The following DDX47 variants were observed in gnomAD, a reference collection of about 807,000 sequenced individuals.
DDX47 encodes the protein probable ATP-dependent RNA helicase DDX47.
Under a neutral mutation model 58.8 loss-of-function variants are expected in DDX47, and 60 were observed. The observed-to-expected ratio is 1.02, with a 90% CI of 0.83 to 1.26. The LOEUF is 1.26. DDX47 is among the 50% of genes most tolerant of loss of function. The pLI, the probability that DDX47 is intolerant of heterozygous loss-of-function variation, is 0.00. For synonymous variants in DDX47, 197 were observed against 204.6 expected (o/e 0.96, Z 0.32); for missense variants, 530 against 573.2 (o/e 0.92, Z 0.77).
rs1401963418 is a variant in DDX47, at chr12:12,823,948, C to A, written c.829C>A (p.Gln277Lys). Residue 277 changes from glutamine to lysine, a missense_variant, in exon 8 of 12, where the codon CAG (glutamine) becomes AAG (lysine). By Grantham distance (53) the Gln-to-Lys change is moderately conservative (BLOSUM62 1). Transcript: ENST00000358007. ...MIFCSTCNNT[Q>K]RTALLLRNLG... ...ATTCTGCAGCACCTGTAATAATACC[C>A]AGAGAACAGCTTTGCTACTGCGAAA... 1 of 1,614,142 alleles carries A rather than the reference C, an allele frequency of 6.2e-7. No homozygotes were observed. Among genetic ancestry groups the A allele is most frequent in the Non-Finnish European group, 8.5e-7 (1 of 1,180,014 alleles).
At chr12:12,814,621 T>C (rs549005916) in intron 2 of DDX47, 1 of 165,240 alleles carries the variant, frequency 6.1e-6, no homozygotes, top group Admixed American at 6.1e-5. Context: ...TTAAAGCAGA[T>C]TGATGGCTAC....
intron 2 of DDX47, among the ~76,000 whole-genome samples, chr12:12,817,068 T>C (rs1862907626): frequency 6.6e-6 from 1 of 152,242 alleles, no homozygotes; most frequent in Non-Finnish European, 1.5e-5. Flanking sequence ...GAATAGTTTA[T>C]AAATGCTTCA....
In DDX47 at chr12:12,815,956, A is replaced by G. The variant is rs546000565; in HGVS notation, c.181+1732A>G. Among the ~76,000 whole-genome samples, 123 of 152,294 alleles carry G rather than the reference A, an allele frequency of 8.1e-4. 4 individuals carry two copies. The South Asian group carries it at 0.024, about 30-fold the overall frequency. ...GTAGGTCTTTGTAATGATTTTTGCA[A>G]TCAATAATGGGTAGGGTGGTGGTAG... On this transcript the variant is annotated intron_variant, in intron 2 of 11. Coordinates refer to ENST00000358007, the MANE Select transcript of DDX47 (RefSeq NM_016355.4).
intron 11 of DDX47, 140 bp from the exon 12 acceptor site, chr12:12,829,283 G>T: frequency 2.5e-6 from 2 of 788,872 alleles, no homozygotes; most frequent in East Asian, 2.9e-5. Context: ...TTGTATATTT[G>T]GAGTTGGGTC....
At chr12:12,821,524 G>A in intron 3 of DDX47, 128 bp downstream of exon 3, 1 of 1,424,114 alleles carries the variant, frequency 7.0e-7, no homozygotes, top group South Asian at 1.2e-5. Flanking sequence ...TTGTATTTGA[G>A]CTTTGGGAAG....
At chr12:12,821,554 G>A (rs985835385) in intron 3 of DDX47, 101 bp from the exon 4 acceptor site, 3 of 1,433,584 alleles carry the variant, frequency 2.1e-6, no homozygotes, top group Non-Finnish European at 2.9e-6. Flanking sequence ...TGTAAGGGAA[G>A]AACAAATCTA....
At position 12,827,290 on chromosome 12, in the gene DDX47, A is replaced by G; in HGVS notation, c.1151A>G (p.Lys384Arg). 1 of 1,614,196 alleles carries G rather than the reference A, an allele frequency of 6.2e-7. No homozygotes were observed. Among genetic ancestry groups the G allele is most frequent in the East Asian group, 2.2e-5 (1 of 44,882 alleles). ...CAGCGCATAGAACACTTAATTGGGAAGAAACTACCAGGTTTTCCAACACAG... is the reference window on the plus strand; with the variant it reads ...CAGCGCATAGAACACTTAATTGGGAGGAAACTACCAGGTTTTCCAACACAG... ...LFQRIEHLIG[K>R]KLPGFPTQDD... The change falls in exon 11 of 12, where the codon AAG (lysine) becomes AGG (arginine). Residue 384 changes from lysine to arginine, a missense_variant. Coordinates refer to ENST00000358007, the MANE Select transcript of DDX47 (RefSeq NM_016355.4).
At chr12:12,817,309 C>G (rs1161438333) in intron 2 of DDX47, among the ~76,000 whole-genome samples, 1 of 152,150 alleles carries the variant, frequency 6.6e-6, no homozygotes, top group African/African-American at 2.4e-5. Flanking sequence ...AGTCCTTTGG[C>G]TAAGGTCACC....
At position 12,823,861 on chromosome 12, in the gene DDX47, G is replaced by A. The variant is rs374444256; in HGVS notation, c.751-9G>A. 3.7e-6 allele frequency: 6 copies of A among 1,612,566 alleles called. No homozygotes were observed. Among genetic ancestry groups the A allele is most frequent in the Non-Finnish European group, 4.2e-6 (5 of 1,179,346 alleles). On this transcript the variant is annotated splice_polypyrimidine_tract_variant and intron_variant, in intron 7 of 11. Coordinates refer to ENST00000358007, the MANE Select transcript of DDX47 (RefSeq NM_016355.4). ...CAATGACATATATTGTTTTGGGTTT[G>A]TAACTTAGGATACCTACCTGGTTTA...
chr12:12,819,911 G>A (rs1242743310), intron 2 of DDX47, among the ~76,000 whole-genome samples: 1 of 152,152 alleles, frequency 6.6e-6, no homozygotes, highest in Non-Finnish European at 1.5e-5. Context: ...TCCCAGTTAA[G>A]CCTTTGTTTT....
rs1863102668 is a variant in DDX47 at position 12,829,616 on chromosome 12, C to T, written c.*62C>T. On this transcript the variant is annotated 3_prime_UTR_variant, in exon 12 of 12. Coordinates refer to ENST00000358007, the MANE Select transcript of DDX47 (RefSeq NM_016355.4). ...AAAGAGAATTGGAGAATGAAACCTG[C>T]TCCAACAGAGATCATGAGACTGAAA... The T allele has an allele frequency of 1.3e-6, 2 of 1,572,786 alleles. No homozygotes were observed. The highest frequency in any genetic ancestry group is 8.6e-7 in the Non-Finnish European group (1 of 1,158,262).
intron 6 of DDX47, 79 bp downstream of exon 6, chr12:12,822,811 T>C: frequency 7.9e-7 from 1 of 1,265,010 alleles, no homozygotes; most frequent in South Asian, 1.2e-5. Flanking sequence ...TAAGGAAAAA[T>C]AAATTGCTTT....
chr12:12,827,668 C>G (rs988180480), intron 11 of DDX47, among the ~76,000 whole-genome samples: 4 of 152,102 alleles, frequency 2.6e-5, no homozygotes, highest in Admixed American at 6.5e-5. Flanking sequence ...CAGCTGTGAA[C>G]TGTGTGAGCT....
In DDX47 at chr12:12,823,339, C is replaced by T. The variant is rs888402438; in HGVS notation, c.750+20C>T. On this transcript the variant is annotated intron_variant, in intron 7 of 11. Coordinates refer to ENST00000358007, the MANE Select transcript of DDX47 (RefSeq NM_016355.4). ...TTCAAGGTAAAATGTTTACTTTGAT[C>T]ATTCCTGCCTCTCCCTCTTCTTTTC... 4 of 1,338,656 alleles carry T rather than the reference C, an allele frequency of 3.0e-6. No homozygotes were observed. Among genetic ancestry groups the T allele is most frequent in the Non-Finnish European group, 4.3e-6 (4 of 929,840 alleles). 82.9% of individuals were successfully genotyped at this position (1,338,656 alleles called of 1,614,324 possible). A position where few individuals can be genotyped will look rare whatever the true frequency, so the allele number is the denominator to read the frequency against.
chr12:12,813,692 G>A (rs982811887), intron 1 of DDX47, among the ~76,000 whole-genome samples: 2 of 152,176 alleles, frequency 1.3e-5, no homozygotes, highest in Non-Finnish European at 2.9e-5. Context: ...GGCAACGTTT[G>A]TATGTGCATC....
intron 8 of DDX47, chr12:12,824,223 C>A (rs1863017159): frequency 1.5e-6 from 1 of 645,236 alleles, no homozygotes; most frequent in Non-Finnish European, 2.5e-6. Context: ...TTCATATGTA[C>A]CTGTCTGGTT....
At position 12,829,751 on chromosome 12, in the gene DDX47, C is replaced by CTGTT. The variant is rs756924361; in HGVS notation, c.*198_*201dup. 16 of 532,358 alleles carry CTGTT rather than the reference C, an allele frequency of 3.0e-5. No homozygotes were observed. The highest frequency in any genetic ancestry group is 4.3e-5 in the Non-Finnish European group (14 of 322,630). 33.0% of individuals were successfully genotyped at this position (532,358 alleles called of 1,614,324 possible). A position where few individuals can be genotyped will look rare whatever the true frequency, so the allele number is the denominator to read the frequency against. On this transcript the variant is annotated 3_prime_UTR_variant, in exon 12 of 12. Coordinates refer to ENST00000358007, the MANE Select transcript of DDX47 (RefSeq NM_016355.4). ...TACAGTGCTGATGTCAAGACTGTTA[C>CTGTT]TGTTCTTCGACTTTGATTCCTTGCT...
At chr12:12,813,641 G>T in intron 1 of DDX47, 187 bp downstream of exon 1, 1 of 617,768 alleles carries the variant, frequency 1.6e-6, no homozygotes. Context: ...GGGCTGCTGG[G>T]CCCTGAGACC....
chr12:12,821,397 G>T lies in DDX47; in HGVS notation c.370+1G>T. On this transcript the variant is annotated splice_donor_variant, in intron 3 of 11. Coordinates refer to ENST00000358007, the MANE Select transcript of DDX47 (RefSeq NM_016355.4). LOFTEE classifies it high-confidence loss of function. ...GGGTCCTCTATTGGAGTGCAGAGTGGTAAGTGTCTGAGAGGGAAGGGATCC... is the reference window on the plus strand; with the variant it reads ...GGGTCCTCTATTGGAGTGCAGAGTGTTAAGTGTCTGAGAGGGAAGGGATCC... The T allele has an allele frequency of 1.2e-6, 2 of 1,614,196 alleles. No individual in the cohort carries two copies. Among genetic ancestry groups the T allele is most frequent in the Non-Finnish European group, 1.7e-6 (2 of 1,180,020 alleles).
Sources: allele counts gnomAD v4.1 joint callset (sites outside exome capture counted in the v4.1 genomes callset), GRCh38; gene constraint gnomAD v4.1.1; transcripts MANE v1.5; gene names NCBI Gene and HGNC (gene_info 2026-07-23, HGNC 2026-07-21).